Variants in TFAP4 observed in about 807,000 individuals in gnomAD.
The protein encoded by TFAP4 is activating enhancer-binding protein 4.
Under a neutral mutation model 40.4 loss-of-function variants are expected in TFAP4, and 7 were observed. That is an observed-to-expected ratio of 0.17 (90% confidence interval 0.10 to 0.33). TFAP4 has a LOEUF of 0.33. Among genes scored for constraint, TFAP4 ranks in the 10% least tolerant of loss-of-function variants. The probability of loss-of-function intolerance (pLI) is 1.00; values close to 1 mark genes in which losing one functional copy is unlikely to be tolerated. For missense variants in TFAP4, 374 were observed against 451.1 expected, an observed-to-expected ratio of 0.83 and a Z score of 1.55; for synonymous variants, 218 against 181.4, an observed-to-expected ratio of 1.20 and a Z score of -1.62.
At chr16:4,269,612 C>T (rs1019538729) in intron 1 of TFAP4, among the ~76,000 whole-genome samples, 2 of 151,392 alleles carry the variant, frequency 1.3e-5, no homozygotes, top group Non-Finnish European at 1.5e-5. Context: ...GAGATCGAGA[C>T]CATCCTGGCC....
At chr16:4,262,157 C>T (rs923188327) in intron 3 of TFAP4, 167 bp downstream of exon 3, 3 of 916,636 alleles carry the variant, frequency 3.3e-6, no homozygotes, top group Non-Finnish European at 5.0e-6. Context: ...CCCACTCCAC[C>T]GCACTTGACC....
intron 6 of TFAP4, 77 bp downstream of exon 6, chr16:4,260,011 CCT>C: frequency 1.4e-6 from 2 of 1,476,008 alleles, no homozygotes; most frequent in Admixed American, 4.5e-5. Context: ...CGCTTCTGCC[CCT>C]CTTTTCCAGT....
chr16:4,265,342 A>C (rs2052984026), intron 1 of TFAP4: 1 of 152,294 alleles, frequency 6.6e-6, no homozygotes, highest in Non-Finnish European at 1.5e-5. Context: ...GGCCGGGCAC[A>C]GTGGCTCACA....
At chr16:4,260,616 G>T (rs1218173266) in intron 4 of TFAP4, 21 bp from the exon 5 acceptor site, 1 of 1,574,034 alleles carries the variant, frequency 6.4e-7, no homozygotes, top group South Asian at 1.2e-5. Flanking sequence ...GACAACCTGG[G>T]CTCAGGGCCA....
chr16:4,261,186 G>C (rs767007754), intron 4 of TFAP4, among the ~76,000 whole-genome samples: 4 of 151,618 alleles, frequency 2.6e-5, no homozygotes, highest in Admixed American at 1.3e-4. Context: ...TTCCCAGGCT[G>C]ATCTCAAACT....
At position 4,257,311 on chromosome 16, in the gene TFAP4, T is replaced by TAAAAAAAAAAAAAAAGAAAAAAAAAAAAG; in HGVS notation, c.*743_*744insCTTTTTTTTTTTTCTTTTTTTTTTTTTTT. On this transcript the variant is annotated 3_prime_UTR_variant, in exon 7 of 7. Coordinates refer to ENST00000204517, the MANE Select transcript of TFAP4 (RefSeq NM_003223.3). Reference sequence around the variant, plus strand: ...CTTGAACACGAAGACCTCAAAATTGTAAAAAAAAAAAAAAAAGAAAGAAAA... The same window carrying TAAAAAAAAAAAAAAAGAAAAAAAAAAAAG: ...CTTGAACACGAAGACCTCAAAATTGTAAAAAAAAAAAAAAAGAAAAAAAAAAAAGAAAAAAAAAAAAAAAAGAAAGAAAA... 8.7e-6 allele frequency: 1 copy of TAAAAAAAAAAAAAAAGAAAAAAAAAAAAG among 114,782 alleles called. No homozygotes were observed. The highest frequency in any genetic ancestry group is 1.8e-5 in the Non-Finnish European group (1 of 55,872). 7.1% of individuals were successfully genotyped at this position (114,782 alleles called of 1,614,324 possible). A position where few individuals can be genotyped will look rare whatever the true frequency, so the allele number is the denominator to read the frequency against.
chr16:4,262,626 G>A lies in TFAP4; in HGVS notation c.165C>T (p.Ser55=), dbSNP rs1003536916. Residue 55 remains serine, a synonymous_variant, in exon 2 of 7, where the codon AGC becomes AGT. Coordinates refer to ENST00000204517, the MANE Select transcript of TFAP4 (RefSeq NM_003223.3). ...TGCTCTGCATGCGTCTCCGCTCGTT[G>A]CTGTTGGCGATCTCCCGCCGAATCC... The part of the protein sequence containing the change: ...ERRIRREIAN[S]NERRRMQSIN... 2.5e-6 allele frequency: 4 copies of A among 1,611,772 alleles called. No individual in the cohort carries two copies. Among genetic ancestry groups the A allele is most frequent in the Non-Finnish European group, 3.4e-6 (4 of 1,179,994 alleles).
At chr16:4,266,470 AC>A (rs2052996778) in intron 1 of TFAP4, 1 of 151,986 alleles carries the variant, frequency 6.6e-6, no homozygotes, top group South Asian at 2.1e-4. Context: ...CCCTGGAAGT[AC>A]CCGCCGACAG....
chr16:4,272,591 C>A, intron 1 of TFAP4, 67 bp downstream of exon 1: 1 of 1,351,404 alleles, frequency 7.4e-7, no homozygotes, highest in South Asian at 1.4e-5. Context: ...CACACGCGCG[C>A]CCGCCCGGGC....
At chr16:4,265,315 T>G (rs567594456) in intron 1 of TFAP4, 2 of 152,124 alleles carry the variant, frequency 1.3e-5, no homozygotes, top group African/African-American at 4.8e-5. Flanking sequence ...CAGTTATCCC[T>G]GTAAAAGAGA....
Position 4,261,868 on chromosome 16 carries a change from C to G in TFAP4, c.436G>C (p.Glu146Gln). Residue 146 changes from glutamate to glutamine, a missense_variant, in exon 4 of 7, where the codon GAG becomes CAG. By Grantham distance (29) the Glu-to-Gln change is conservative (BLOSUM62 2). Around this residue, in one of 6 missense-constraint regions of TFAP4, gnomAD observed 161 missense variants for 154.2 expected, o/e 1.04. Coordinates refer to ENST00000204517, the MANE Select transcript of TFAP4 (RefSeq NM_003223.3). Reference sequence around the variant, plus strand: ...TCCCGCCGCAGGTCCTCCGCCTTCTCGTCCTCCCAGATGTCCGGGGAGCCT... The same window carrying G: ...TCCCGCCGCAGGTCCTCCGCCTTCTGGTCCTCCCAGATGTCCGGGGAGCCT... ...GIGSPDIWED[E>Q]KAEDLRREMI... 1 of 1,613,696 alleles carries G rather than the reference C, an allele frequency of 6.2e-7. No homozygotes were observed. The highest frequency in any genetic ancestry group is 1.1e-5 in the South Asian group (1 of 90,972).
chr16:4,257,954 G>A lies in TFAP4; in HGVS notation c.*101C>T. ...TCATAAAAGAGACCCAAATGACATCGTAATTTTGTAAAAATTTCTCACTCA... is the reference window on the plus strand; with the variant it reads ...TCATAAAAGAGACCCAAATGACATCATAATTTTGTAAAAATTTCTCACTCA... On this transcript the variant is annotated 3_prime_UTR_variant, in exon 7 of 7. Coordinates refer to ENST00000204517, the MANE Select transcript of TFAP4 (RefSeq NM_003223.3). 1 of 1,178,506 alleles carries A rather than the reference G, an allele frequency of 8.5e-7. No homozygotes were observed. The allele number at this position is 1,178,506 out of a possible 1,614,324, so 73.0% of individuals were successfully genotyped here. A position where few individuals can be genotyped will look rare whatever the true frequency, so the allele number is the denominator to read the frequency against.
At position 4,261,847 on chromosome 16, in the gene TFAP4, G is replaced by A; in HGVS notation, c.457C>T (p.Arg153Trp). Residue 153 changes from arginine (R) to tryptophan (W), a missense_variant, in exon 4 of 7, where the codon CGG becomes TGG. Arg to Trp is a moderately radical substitution (Grantham distance 101). Coordinates refer to ENST00000204517, the MANE Select transcript of TFAP4 (RefSeq NM_003223.3). ...TGCTGCCGCAGCTCAATCATCTCCC[G>A]CCGCAGGTCCTCCGCCTTCTCGTCC... ...WEDEKAEDLRREMIELRQQLD... is the reference protein window; with the variant it reads ...WEDEKAEDLRWEMIELRQQLD... 6.2e-7 allele frequency: 1 copy of A among 1,613,360 alleles called. No individual in the cohort carries two copies. Among genetic ancestry groups the A allele is most frequent in the Non-Finnish European group, 8.5e-7 (1 of 1,179,812 alleles).
intron 1 of TFAP4, chr16:4,265,786 G>A (rs989470882): frequency 6.6e-6 from 1 of 152,158 alleles, no homozygotes; most frequent in Non-Finnish European, 1.5e-5. Context: ...GGGAAGGAAG[G>A]TGATGATCCC....
At chr16:4,259,098 GA>G (rs1243088046) in intron 6 of TFAP4, among the ~76,000 whole-genome samples, 1 of 145,696 alleles carries the variant, frequency 6.9e-6, no homozygotes, top group African/African-American at 2.7e-5. Flanking sequence ...CAAAAAAAAA[GA>G]AAAAAAAAGA....
Position 4,272,711 on chromosome 16 carries a change from G to C in TFAP4, c.36C>G (p.Pro12=), listed in dbSNP as rs148999505. The C allele has an allele frequency of 5.4e-4, 869 of 1,613,474 alleles. 2 individuals are homozygous for C. The highest frequency in any genetic ancestry group is 7.2e-4 in the Non-Finnish European group (844 of 1,179,674). Residue 12 remains proline, a synonymous_variant, in exon 1 of 7, where the codon CCC becomes CCG. Transcript: ENST00000204517. The stretch of plus-strand genomic sequence containing the variant: ...CTGTTTTCCTGAAATGTTGCAAAGA[G>C]GGCACCTTCTGAGTGGGCACCATGA... ...EYFMVPTQKV[P]SLQHFRKTEK... is the part of the protein sequence containing the mutation.
chr16:4,270,710 A>G (rs115956785), intron 1 of TFAP4, among the ~76,000 whole-genome samples: 5,287 of 152,294 alleles, frequency 0.035, 318 homozygotes, highest in African/African-American at 0.12. Flanking sequence ...AATTGAAGCC[A>G]GAATCTCAGG....
intron 1 of TFAP4, among the ~76,000 whole-genome samples, chr16:4,269,330 TA>T (rs1427169795): frequency 1.4e-5 from 2 of 146,208 alleles, no homozygotes; most frequent in Non-Finnish European, 3.0e-5. Flanking sequence ...TGTCTCTAAT[TA>T]AAATACAAAA....
intron 1 of TFAP4, chr16:4,268,015 G>C (rs1164256738): frequency 6.6e-6 from 1 of 152,378 alleles, no homozygotes; most frequent in Non-Finnish European, 1.5e-5. Context: ...CCTGCACTGG[G>C]CTCAAGTGAA....
Sources: gnomAD v4.1 joint callset for allele counts (sites outside exome capture counted in the v4.1 genomes callset) on GRCh38, gnomAD v4.1.1 for gene constraint, gnomAD v4.1.1 regional missense constraint, MANE v1.5 for transcripts, NCBI Gene and HGNC (gene_info 2026-07-23, HGNC 2026-07-21) for gene names.